UROC1: variants seen among roughly 807,000 people sequenced by gnomAD.
The protein encoded by UROC1 is urocanate hydratase 1.
Under a neutral mutation model 89.5 loss-of-function variants are expected in UROC1, and 79 were observed. The ratio of observed to expected loss-of-function variants is 0.88; its 90% confidence interval spans 0.74 to 1.06. UROC1 has a LOEUF of 1.06. Ranked by LOEUF, UROC1 falls within the 50% of genes least tolerant of loss-of-function variation. The pLI, the probability that UROC1 is intolerant of heterozygous loss-of-function variation, is 0.00. For synonymous variants in UROC1, 361 were observed against 354.8 expected (o/e 1.02, Z -0.20); for missense variants, 885 against 907.8 (o/e 0.97, Z 0.32).
intron 16 of UROC1, among the ~76,000 whole-genome samples, chr3:126,490,037 G>T (rs983783970): frequency 2.6e-5 from 4 of 152,152 alleles, no homozygotes; most frequent in African/African-American, 9.7e-5. Flanking sequence ...CTCACTGGGG[G>T]AGTATTTGGC....
rs267599594 is a variant in UROC1 at position 126,501,271 on chromosome 3, C to T, written c.912G>A (p.Arg304=). The change falls in exon 10 of 20, where the codon AGG becomes AGA. Residue 304 remains arginine (R), a synonymous_variant. Transcript: ENST00000290868. ...CAAGGCTGAGCACCTCCTTTTTTTT[C>T]CTTGCTTCCCTGGAAGGACACAAAA... ...DRCIQRLREA[R]KKKEVLSLGY... 6.2e-7 allele frequency: 1 copy of T among 1,613,962 alleles called. No homozygotes were observed. The highest frequency in any genetic ancestry group is 8.5e-7 in the Non-Finnish European group (1 of 1,179,952).
At chr3:126,499,216 G>T (rs901702374) in intron 13 of UROC1, 121 bp downstream of exon 13, 4 of 1,071,222 alleles carry the variant, frequency 3.7e-6, no homozygotes, top group African/African-American at 1.6e-5. Flanking sequence ...AGGTCTCAGC[G>T]CATGACCTCA....
Position 126,517,738 on chromosome 3 carries a change from C to A in UROC1, c.-19G>T, listed in dbSNP as rs1279254215. The A allele has an allele frequency of 1.9e-6, 3 of 1,559,160 alleles. No homozygotes were observed. The highest frequency in any genetic ancestry group is 2.6e-6 in the Non-Finnish European group (3 of 1,152,318). ...TAGACATGTGTGACTGAGATGGAGGCAGAGGCCAGCACTGTGGGGAGGCCA... is the reference window on the plus strand; with the variant it reads ...TAGACATGTGTGACTGAGATGGAGGAAGAGGCCAGCACTGTGGGGAGGCCA... On this transcript the variant is annotated 5_prime_UTR_variant, in exon 1 of 20. Transcript: ENST00000290868.
chr3:126,488,513 T>C (rs1935567646), intron 17 of UROC1, among the ~76,000 whole-genome samples: 1 of 152,244 alleles, frequency 6.6e-6, no homozygotes, highest in Non-Finnish European at 1.5e-5. Flanking sequence ...TCTCCAGCAC[T>C]GGGCACCAGC....
At chr3:126,485,944 C>T (rs990515508) in intron 18 of UROC1, among the ~76,000 whole-genome samples, 1 of 152,148 alleles carries the variant, frequency 6.6e-6, no homozygotes, top group Non-Finnish European at 1.5e-5. Context: ...AATTATTTAA[C>T]CCACAAGGAT....
intron 13 of UROC1, 118 bp downstream of exon 13, chr3:126,499,219 T>A: frequency 8.9e-7 from 1 of 1,125,334 alleles, no homozygotes; most frequent in Non-Finnish European, 1.3e-6. Context: ...TCTCAGCGCA[T>A]GACCTCAGGG....
chr3:126,515,559 C>CT (rs1205638964), intron 1 of UROC1, among the ~76,000 whole-genome samples: 1 of 126,752 alleles, frequency 7.9e-6, no homozygotes, highest in African/African-American at 3.0e-5. Flanking sequence ...ACCACCTACC[C>CT]CCTTCCACTC....
intron 11 of UROC1, among the ~76,000 whole-genome samples, 154 bp from the exon 12 acceptor site, chr3:126,500,308 G>T (rs977099685): frequency 2.6e-5 from 4 of 152,170 alleles, no homozygotes; most frequent in Non-Finnish European, 4.4e-5. Flanking sequence ...CACCTGGAAT[G>T]CCCCTGCCCC....
chr3:126,491,563 G>A (rs1248960910), intron 16 of UROC1, among the ~76,000 whole-genome samples: 1 of 152,236 alleles, frequency 6.6e-6, no homozygotes, highest in Non-Finnish European at 1.5e-5. Flanking sequence ...TTTGCTGCCG[G>A]TGCCAGCCCC....
chr3:126,482,166 CAG>C lies in UROC1; in HGVS notation c.*177_*178del. On this transcript the variant is annotated 3_prime_UTR_variant, in exon 20 of 20. Transcript: ENST00000290868. ...CAGAGAGCTGCATGTCTCTGGGCCT[CAG>C]GGGGCTGTCTGTAAAATGAGGCTGT... The C allele has an allele frequency of 2.4e-6, 2 of 832,306 alleles. No homozygotes were observed. The highest frequency in any genetic ancestry group is 1.7e-5 in the African/African-American group (1 of 58,916). The allele number at this position is 832,306 out of a possible 1,614,324, so 51.6% of individuals were successfully genotyped here. A position where few individuals can be genotyped will look rare whatever the true frequency, so the allele number is the denominator to read the frequency against.
At chr3:126,487,040 C>A (rs968542767) in intron 18 of UROC1, among the ~76,000 whole-genome samples, 2 of 152,232 alleles carry the variant, frequency 1.3e-5, no homozygotes, top group Non-Finnish European at 2.9e-5. Flanking sequence ...CTTGGGGGAG[C>A]AACTTAGGAA....
intron 18 of UROC1, among the ~76,000 whole-genome samples, chr3:126,485,948 C>A (rs1297010825): frequency 6.6e-6 from 1 of 152,128 alleles, no homozygotes; most frequent in African/African-American, 2.4e-5. Context: ...ATTTAACCCA[C>A]AAGGATGAGG....
intron 9 of UROC1, chr3:126,501,842 C>G: frequency 6.3e-7 from 1 of 1,599,482 alleles, no homozygotes; most frequent in Non-Finnish European, 8.5e-7. Flanking sequence ...AGGCACCTCC[C>G]CTCCCCCAGG....
intron 15 of UROC1, among the ~76,000 whole-genome samples, chr3:126,495,345 T>C (rs910059565): frequency 2.2e-4 from 34 of 152,210 alleles, no homozygotes; most frequent in Admixed American, 6.5e-4. Flanking sequence ...CATTCTGCTT[T>C]CTGTCTCTAT....
chr3:126,495,152 G>A (rs779422040), intron 15 of UROC1, among the ~76,000 whole-genome samples: 2 of 152,278 alleles, frequency 1.3e-5, no homozygotes, highest in South Asian at 2.1e-4. Context: ...AACTCTAGTC[G>A]CTGCCCCAGA....
chr3:126,508,545 A>T, intron 3 of UROC1, 70 bp from the exon 4 acceptor site: 1 of 1,359,048 alleles, frequency 7.4e-7, no homozygotes, highest in Non-Finnish European at 1.0e-6. Flanking sequence ...ACAGGGAGAG[A>T]AAGGGCCCCC....
chr3:126,488,146 AC>A (rs2107533970), intron 18 of UROC1, 51 bp downstream of exon 18: 1 of 1,602,238 alleles, frequency 6.2e-7, no homozygotes, highest in Non-Finnish European at 8.6e-7. Flanking sequence ...CCCCAAAGGA[AC>A]CCCCAAAACT....
intron 17 of UROC1, 99 bp from the exon 18 acceptor site, chr3:126,488,378 C>T (rs944745462): frequency 7.0e-7 from 1 of 1,421,564 alleles, no homozygotes; most frequent in Non-Finnish European, 9.9e-7. Context: ...ACTGCTAGGC[C>T]AGAAGGATGG....
chr3:126,496,834 C>T (rs1935788404), intron 14 of UROC1, among the ~76,000 whole-genome samples: 1 of 152,260 alleles, frequency 6.6e-6, no homozygotes. Flanking sequence ...CAGCCTTCGA[C>T]TAGAGTATCT....
Sources: allele counts gnomAD v4.1 joint callset (sites outside exome capture counted in the v4.1 genomes callset), GRCh38; gene constraint gnomAD v4.1.1; transcripts MANE v1.5; gene names NCBI Gene and HGNC (gene_info 2026-07-23, HGNC 2026-07-21).